The following PPP6R3 variants were observed in gnomAD, a reference collection of about 807,000 sequenced individuals.
PPP6R3 encodes serine/threonine-protein phosphatase 6 regulatory subunit 3.
Under a neutral mutation model 110.7 loss-of-function variants are expected in PPP6R3, and 38 were observed. The observed-to-expected ratio is 0.34, with a 90% CI of 0.26 to 0.45. The LOEUF (loss-of-function observed/expected upper bound fraction) is 0.45, where lower values mean the gene tolerates loss of function less well. Ranked by LOEUF, PPP6R3 falls within the 20% of genes least tolerant of loss-of-function variation. PPP6R3 has a pLI of 1.00. For missense variants in PPP6R3, 870 were observed against 1,062.4 expected, an observed-to-expected ratio of 0.82 and a Z score of 2.52; for synonymous variants, 369 against 373.5, an observed-to-expected ratio of 0.99 and a Z score of 0.14.
chr11:68,529,063 G>A (rs868791571), intron 2 of PPP6R3, among the ~76,000 whole-genome samples: 3 of 152,228 alleles, frequency 2.0e-5, no homozygotes, highest in Admixed American at 6.5e-5. Flanking sequence ...TCTAGAGGTT[G>A]AGTGAGAATT....
intron 8 of PPP6R3, among the ~76,000 whole-genome samples, chr11:68,563,379 C>G (rs2099435987): frequency 1.3e-5 from 2 of 152,160 alleles, no homozygotes; most frequent in South Asian, 4.1e-4. Flanking sequence ...GCCTTCCCCT[C>G]TGTGTGTCTG....
intron 12 of PPP6R3, 44 bp downstream of exon 12, chr11:68,571,148 A>G (rs778874003): frequency 6.4e-7 from 1 of 1,574,082 alleles, no homozygotes; most frequent in Admixed American, 2.0e-5. Context: ...TTGGTTGGTA[A>G]TATGAGGAAA....
intron 21 of PPP6R3, 79 bp downstream of exon 21, chr11:68,602,048 G>A (rs1188806920): frequency 5.2e-6 from 6 of 1,146,482 alleles, no homozygotes; most frequent in African/African-American, 1.6e-5. Flanking sequence ...CAGGCTCAGG[G>A]GCTAGTGGAG....
At chr11:68,592,659 C>G (rs2099599097) in intron 18 of PPP6R3, among the ~76,000 whole-genome samples, 1 of 152,190 alleles carries the variant, frequency 6.6e-6, no homozygotes, top group Non-Finnish European at 1.5e-5. Context: ...TATTCCTGCT[C>G]TCGTCTTCTG....
At chr11:68,547,715 TGTTCA>T (rs1297434347) in intron 4 of PPP6R3, among the ~76,000 whole-genome samples, 9 of 152,280 alleles carry the variant, frequency 5.9e-5, no homozygotes, top group Non-Finnish European at 7.3e-5. Context: ...ACATGCTTTA[TGTTCA>T]TAAACTGTAA....
At chr11:68,547,158 C>G (rs1363397695) in intron 4 of PPP6R3, among the ~76,000 whole-genome samples, 3 of 152,134 alleles carry the variant, frequency 2.0e-5, no homozygotes, top group Admixed American at 2.0e-4. Context: ...TTTTAAATCC[C>G]AGGCAGCCAC....
intron 14 of PPP6R3, among the ~76,000 whole-genome samples, chr11:68,578,709 GGCTCCT>G (rs2099541437): frequency 6.6e-6 from 1 of 152,326 alleles, no homozygotes; most frequent in Non-Finnish European, 1.5e-5. Flanking sequence ...CCCAGCCCCA[GGCTCCT>G]ATCACTTCTG....
intron 23 of PPP6R3, among the ~76,000 whole-genome samples, chr11:68,611,250 C>A (rs1943270079): frequency 6.6e-6 from 1 of 152,136 alleles, no homozygotes; most frequent in Non-Finnish European, 1.5e-5. Flanking sequence ...CTGATTTCTA[C>A]CTATAAATTT....
At chr11:68,610,067 C>T (rs768262828) in intron 23 of PPP6R3, 44 bp downstream of exon 23, 4 of 1,602,508 alleles carry the variant, frequency 2.5e-6, no homozygotes, top group Middle Eastern at 1.7e-4. Context: ...CTGCCCTGAC[C>T]TTGCCTGTTG....
At chr11:68,508,549 G>A (rs2099091269) in intron 1 of PPP6R3, among the ~76,000 whole-genome samples, 1 of 152,134 alleles carries the variant, frequency 6.6e-6, no homozygotes, top group Admixed American at 6.5e-5. Flanking sequence ...CTTGCACAGT[G>A]CCAGCGCAAA....
At chr11:68,472,183 A>G (rs1322805520) in intron 1 of PPP6R3, among the ~76,000 whole-genome samples, 1 of 152,106 alleles carries the variant, frequency 6.6e-6, no homozygotes, top group Non-Finnish European at 1.5e-5. Flanking sequence ...GCAAAGCAAG[A>G]GAGAGGCCAG....
At chr11:68,575,891 C>A in intron 13 of PPP6R3, 67 bp from the exon 14 acceptor site, 2 of 1,217,588 alleles carry the variant, frequency 1.6e-6, no homozygotes, top group Non-Finnish European at 2.4e-6. Context: ...ATATTACCTG[C>A]TTACTTTATT....
chr11:68,583,138 C>T lies in PPP6R3; in HGVS notation c.1632+9C>T, dbSNP rs1439466898. 22 of 1,506,794 alleles carry T rather than the reference C, an allele frequency of 1.5e-5. No homozygotes were observed. In the East Asian group the frequency reaches 2.7e-4, roughly 19 times the overall value. 93.3% of individuals were successfully genotyped at this position (1,506,794 alleles called of 1,614,324 possible). ...ATTCTTCTTTGCAGCAAGTGAGTCA[C>T]GCCTAAAGCTTTGCTTTTTGTTTTT... On this transcript the variant is annotated intron_variant, in intron 15 of 23. Coordinates refer to ENST00000393800, the MANE Select transcript of PPP6R3 (RefSeq NM_001164161.2).
intron 1 of PPP6R3, among the ~76,000 whole-genome samples, chr11:68,503,978 C>T (rs2099061844): frequency 6.6e-6 from 1 of 152,200 alleles, no homozygotes. Context: ...ATGGGTAGGG[C>T]TGACCTCCGT....
intron 18 of PPP6R3, 38 bp downstream of exon 18, chr11:68,591,744 C>T (rs2099595946): frequency 6.3e-7 from 1 of 1,579,932 alleles, no homozygotes; most frequent in Non-Finnish European, 8.6e-7. Context: ...TTATAGCCAA[C>T]CTGTAAAGAA....
chr11:68,610,064 G>C, intron 23 of PPP6R3, 41 bp downstream of exon 23: 1 of 1,603,264 alleles, frequency 6.2e-7, no homozygotes, highest in Admixed American at 1.7e-5. Context: ...GCCCTGCCCT[G>C]ACCTTGCCTG....
intron 2 of PPP6R3, among the ~76,000 whole-genome samples, chr11:68,530,186 C>G (rs2099229417): frequency 6.6e-6 from 1 of 152,096 alleles, no homozygotes; most frequent in African/African-American, 2.4e-5. Context: ...TTTCTTATTT[C>G]TGTTAGACGG....
chr11:68,524,476 C>T (rs2099185410), intron 2 of PPP6R3, among the ~76,000 whole-genome samples: 1 of 152,276 alleles, frequency 6.6e-6, no homozygotes, highest in East Asian at 1.9e-4. Context: ...AATTTCTCCT[C>T]TGGTCCTAGA....
chr11:68,592,336 T>C (rs1360895979), intron 18 of PPP6R3, among the ~76,000 whole-genome samples: 2 of 152,234 alleles, frequency 1.3e-5, no homozygotes, highest in Non-Finnish European at 2.9e-5. Flanking sequence ...TTATTTCATT[T>C]ATTGTTACTC....
Sources: allele counts gnomAD v4.1 joint callset (sites outside exome capture counted in the v4.1 genomes callset), GRCh38; gene constraint gnomAD v4.1.1; transcripts MANE v1.5; gene names NCBI Gene and HGNC (gene_info 2026-07-23, HGNC 2026-07-21).